The following MARCHF10 variants were observed in gnomAD, a reference collection of about 807,000 sequenced individuals.
MARCHF10 encodes the protein membrane associated ring-CH-type finger 10, also known as probable E3 ubiquitin-protein ligase MARCHF10.
A neutral mutation model predicts 76.2 loss-of-function variants in MARCHF10; 64 were observed. The ratio of observed to expected loss-of-function variants is 0.84; its 90% confidence interval spans 0.69 to 1.03. The LOEUF is 1.03. Ranked by LOEUF, MARCHF10 falls within the 50% of genes least tolerant of loss-of-function variation. The probability of loss-of-function intolerance (pLI) is 0.00; values close to 1 mark genes in which losing one functional copy is unlikely to be tolerated. For missense variants in MARCHF10, 875 were observed against 958.0 expected, an observed-to-expected ratio of 0.91 and a Z score of 1.14; for synonymous variants, 340 against 357.5, an observed-to-expected ratio of 0.95 and a Z score of 0.55.
At chr17:62,772,553 T>A (rs913421416) in intron 3 of MARCHF10, among the ~76,000 whole-genome samples, 3 of 152,128 alleles carry the variant, frequency 2.0e-5, no homozygotes, top group African/African-American at 7.2e-5. Flanking sequence ...AGACAGTGAG[T>A]AAACAGCTTG....
chr17:62,708,059 G>C (rs1387020505), intron 9 of MARCHF10, among the ~76,000 whole-genome samples: 2 of 152,068 alleles, frequency 1.3e-5, no homozygotes, highest in African/African-American at 4.8e-5. Context: ...CATCCCGCCA[G>C]TGCACTCCAG....
chr17:62,705,315 G>T (rs1159251954), intron 10 of MARCHF10: 1 of 1,462,044 alleles, frequency 6.8e-7, no homozygotes, highest in Non-Finnish European at 9.0e-7. Flanking sequence ...GCCTTTCCTT[G>T]CGTTCAGGAT....
chr17:62,762,870 G>T (rs188243731), intron 3 of MARCHF10, among the ~76,000 whole-genome samples: 10 of 152,276 alleles, frequency 6.6e-5, no homozygotes, highest in African/African-American at 2.2e-4. Context: ...AAACCCCATC[G>T]TATCACGCAG....
intron 4 of MARCHF10, among the ~76,000 whole-genome samples, chr17:62,753,941 C>T (rs8069329): frequency 0.52 from 78,279 of 151,642 alleles, 21,234 homozygotes; most frequent in East Asian, 0.7. Flanking sequence ...CCAGTTCGCC[C>T]TGGTATCATA....
chr17:62,788,724 C>T, intron 2 of MARCHF10, 125 bp from the exon 3 acceptor site: 3 of 1,299,318 alleles, frequency 2.3e-6, no homozygotes, highest in Admixed American at 1.9e-5. Flanking sequence ...TCATCAAATA[C>T]CTCTCACCAA....
intron 2 of MARCHF10, 80 bp downstream of exon 2, chr17:62,801,566 C>T: frequency 8.4e-7 from 1 of 1,193,040 alleles, no homozygotes; most frequent in South Asian, 1.2e-5. Flanking sequence ...TACTGCTTAT[C>T]ATACGTTGAT....
chr17:62,750,448 G>C (rs2147896499), intron 4 of MARCHF10: 2 of 153,634 alleles, frequency 1.3e-5, no homozygotes, highest in South Asian at 4.1e-4. Context: ...AGCAGTAATT[G>C]GTATTGGGCT....
intron 2 of MARCHF10, among the ~76,000 whole-genome samples, chr17:62,794,506 C>T (rs1303304678): frequency 6.6e-6 from 1 of 152,190 alleles, no homozygotes. Flanking sequence ...GTTTCCTATA[C>T]CCCAGCCAGC....
At chr17:62,773,135 G>A (rs1000397620) in intron 3 of MARCHF10, among the ~76,000 whole-genome samples, 3 of 152,116 alleles carry the variant, frequency 2.0e-5, no homozygotes, top group Admixed American at 6.6e-5. Context: ...GCCCATCCTC[G>A]AGGAATCCCA....
rs575109291 is a variant in MARCHF10 at position 62,783,701 on chromosome 17, G to A, written c.210+4779C>T. 7.4e-3 allele frequency among the ~76,000 whole-genome samples: 1,125 copies of A among 152,130 alleles called. 5 individuals are homozygous for A. The highest frequency in any genetic ancestry group is 0.024 in the Middle Eastern group (7 of 294). On this transcript the variant is annotated intron_variant, in intron 3 of 10. Coordinates refer to ENST00000311269, the MANE Select transcript of MARCHF10 (RefSeq NM_152598.4). The stretch of plus-strand genomic sequence containing the variant: ...AAATGATAAAGGGGATATCACCACC[G>A]ATCCCACAGAAATACAAACTACCAT...
chr17:62,701,471 C>G lies in MARCHF10; in HGVS notation c.*232G>C. 1 of 976,872 alleles carries G rather than the reference C, an allele frequency of 1.0e-6. No individual in the cohort carries two copies. The highest frequency in any genetic ancestry group is 3.0e-5 in the Admixed American group (1 of 33,550). 60.5% of individuals were successfully genotyped at this position (976,872 alleles called of 1,614,324 possible). On this transcript the variant is annotated 3_prime_UTR_variant, in exon 11 of 11. Transcript: ENST00000311269. ...CAGCACCAGGCCAGCCTGCCAGGGG[C>G]TCCACAGTCCCACGCTGCTTGACCT...
At chr17:62,753,799 G>T (rs2091964547) in intron 4 of MARCHF10, among the ~76,000 whole-genome samples, 1 of 152,152 alleles carries the variant, frequency 6.6e-6, no homozygotes, top group Non-Finnish European at 1.5e-5. Context: ...GCCCTTATTG[G>T]AATCCTGCTC....
chr17:62,775,179 G>A (rs185584837), intron 3 of MARCHF10, among the ~76,000 whole-genome samples: 63 of 149,860 alleles, frequency 4.2e-4, no homozygotes, highest in African/African-American at 1.5e-3. Context: ...AGGCTGGAGT[G>A]CAGTGGTGTG....
intron 4 of MARCHF10, among the ~76,000 whole-genome samples, chr17:62,746,250 G>A (rs555935188): frequency 6.6e-6 from 1 of 152,292 alleles, no homozygotes; most frequent in Admixed American, 6.5e-5. Flanking sequence ...ATGCCCCGCA[G>A]GGAACTTACT....
intron 6 of MARCHF10, among the ~76,000 whole-genome samples, 154 bp from the exon 7 acceptor site, chr17:62,725,258 G>A (rs2090700657): frequency 6.6e-6 from 1 of 152,196 alleles, no homozygotes; most frequent in Admixed American, 6.5e-5. Context: ...TGATAACACA[G>A]GCACAAATTC....
intron 2 of MARCHF10, among the ~76,000 whole-genome samples, chr17:62,797,596 C>T (rs1014521046): frequency 1.3e-5 from 2 of 152,112 alleles, no homozygotes; most frequent in African/African-American, 4.8e-5. Flanking sequence ...CCACCTTTGC[C>T]CAGGGGAGCA....
At chr17:62,762,040 T>TAGC (rs759132039) in intron 3 of MARCHF10, among the ~76,000 whole-genome samples, 176 of 152,050 alleles carry the variant, frequency 1.2e-3, no homozygotes, top group Middle Eastern at 3.4e-3. Flanking sequence ...TCAGCAGCAG[T>TAGC]AGCAGCAGCA....
Position 62,711,741 on chromosome 17 carries a change from C to T in MARCHF10, c.2215-397G>A, listed in dbSNP as rs762482004. 6.6e-6 allele frequency among the ~76,000 whole-genome samples: 1 copy of T among 152,194 alleles called. No individual in the cohort carries two copies. Among genetic ancestry groups the T allele is most frequent in the African/African-American group, 2.4e-5 (1 of 41,432 alleles). On this transcript the variant is annotated intron_variant, in intron 8 of 10. Transcript: ENST00000311269. This position sits in a 1 kb window ranked among gnomAD's most constrained non-coding sequence, Gnocchi z 4.4. ...AGAGAGCTTCATCGGTAAACAGCTC[C>T]AGTACAAGCTGGATGTGTCGGGTGC...
chr17:62,757,727 G>T (rs907741400), intron 4 of MARCHF10, among the ~76,000 whole-genome samples: 1 of 152,228 alleles, frequency 6.6e-6, no homozygotes, highest in African/African-American at 2.4e-5. Context: ...TCTAGGGCCA[G>T]AACGCAGTGA....
Sources: allele counts gnomAD v4.1 joint callset (sites outside exome capture counted in the v4.1 genomes callset), GRCh38; gene constraint gnomAD v4.1.1; non-coding constraint Gnocchi (gnomAD v3.1); transcripts MANE v1.5; gene names NCBI Gene and HGNC (gene_info 2026-07-23, HGNC 2026-07-21).